The following DOCK9 variants were observed in gnomAD, a reference collection of about 807,000 sequenced individuals.
The protein encoded by DOCK9 is dedicator of cytokinesis 9, also known as dedicator of cytokinesis protein 9.
In DOCK9, 89 loss-of-function variants were observed where a neutral mutation model predicts 263.3. That is an observed-to-expected ratio of 0.34 (90% CI 0.28 to 0.40). DOCK9 has a LOEUF of 0.40. Ranked by LOEUF, DOCK9 falls within the 10% of genes least tolerant of loss-of-function variation. The probability of loss-of-function intolerance (pLI) is 1.00; values close to 1 mark genes in which losing one functional copy is unlikely to be tolerated. For missense variants in DOCK9, 2,140 were observed against 2,603.4 expected, an observed-to-expected ratio of 0.82 and a Z score of 3.87; for synonymous variants, 976 against 973.1, an observed-to-expected ratio of 1.00 and a Z score of -0.06.
intron 27 of DOCK9, among the ~76,000 whole-genome samples, chr13:98,870,530 G>A (rs1182207361): frequency 6.6e-6 from 1 of 152,172 alleles, no homozygotes; most frequent in Non-Finnish European, 1.5e-5. Flanking sequence ...CCCAAGAAAT[G>A]CTTGTGGCCT....
At chr13:98,933,750 G>A (rs766377451) in intron 2 of DOCK9, among the ~76,000 whole-genome samples, 2 of 152,210 alleles carry the variant, frequency 1.3e-5, no homozygotes, top group African/African-American at 2.4e-5. Flanking sequence ...CCTCGTCTAT[G>A]CATAGTGCTC....
At chr13:98,913,207 T>C (rs1223387505) in intron 9 of DOCK9, among the ~76,000 whole-genome samples, 3 of 152,224 alleles carry the variant, frequency 2.0e-5, no homozygotes, top group Non-Finnish European at 4.4e-5. Context: ...TTTATAATCC[T>C]ATATAGATAA....
intron 45 of DOCK9, among the ~76,000 whole-genome samples, chr13:98,814,462 G>C (rs1484089010): frequency 6.8e-6 from 1 of 147,826 alleles, no homozygotes; most frequent in Non-Finnish European, 1.5e-5. Flanking sequence ...CTGGAGTGCA[G>C]TGGCACAATC....
intron 15 of DOCK9, among the ~76,000 whole-genome samples, chr13:98,893,400 GATGAGATACCATCTTATCC>G (rs1398440703): frequency 6.6e-6 from 1 of 152,162 alleles, no homozygotes; most frequent in Non-Finnish European, 1.5e-5. Context: ...AGTTGGAAAA[GATGAGATACCATCTTATCC>G]ATGAGATACC....
intron 15 of DOCK9, among the ~76,000 whole-genome samples, chr13:98,889,532 T>C (rs978802643): frequency 4.6e-5 from 7 of 152,192 alleles, no homozygotes; most frequent in Non-Finnish European, 1.0e-4. Context: ...CTCAATCCAA[T>C]ATAGGAATCC....
chr13:98,959,075 G>C (rs1290024286), intron 1 of DOCK9, among the ~76,000 whole-genome samples: 2 of 152,202 alleles, frequency 1.3e-5, no homozygotes, highest in Non-Finnish European at 2.9e-5. Context: ...ACTGAGGCTG[G>C]AAACTGAGGA....
intron 9 of DOCK9, among the ~76,000 whole-genome samples, chr13:98,905,601 A>T (rs566014275): frequency 6.6e-6 from 1 of 152,250 alleles, no homozygotes. Flanking sequence ...AAAAAAAAAA[A>T]GTGAAAAGAA....
At chr13:98,867,763 C>T (rs1302378964) in intron 29 of DOCK9, among the ~76,000 whole-genome samples, 165 bp downstream of exon 29, 2 of 151,932 alleles carry the variant, frequency 1.3e-5, no homozygotes, top group Non-Finnish European at 2.9e-5. Flanking sequence ...TAGGGCTCCT[C>T]CTACTTCAAT....
At chr13:99,015,659 A>C in intron 1 of DOCK9, 1 of 1,526,448 alleles carries the variant, frequency 6.6e-7, no homozygotes, top group South Asian at 1.3e-5. Context: ...CCATTTCCAC[A>C]TCCTCTTCCT....
intron 1 of DOCK9, among the ~76,000 whole-genome samples, chr13:98,964,617 AAGCTTCATG>A (rs1396220436): frequency 9.2e-5 from 14 of 152,344 alleles, no homozygotes; most frequent in Non-Finnish European, 1.6e-4. Context: ...CCTGAAACTT[AAGCTTCATG>A]AGCTTCATGC....
intron 29 of DOCK9, 72 bp downstream of exon 29, chr13:98,867,856 A>G (rs2094076387): frequency 7.1e-7 from 1 of 1,402,692 alleles, no homozygotes; most frequent in Non-Finnish European, 9.7e-7. Flanking sequence ...AAAAAAAAAA[A>G]AGGAAAAAGA....
At chr13:98,908,877 A>G (rs540158227) in intron 9 of DOCK9, among the ~76,000 whole-genome samples, 1 of 152,386 alleles carries the variant, frequency 6.6e-6, no homozygotes, top group African/African-American at 2.4e-5. Context: ...AGATAATAAA[A>G]TAAATACTTG....
At chr13:98,866,648 C>T (rs1367013030) in intron 30 of DOCK9, among the ~76,000 whole-genome samples, 2 of 152,064 alleles carry the variant, frequency 1.3e-5, no homozygotes, top group East Asian at 1.9e-4. Context: ...TCTCTTCAAA[C>T]GTAAAAAGAA....
intron 39 of DOCK9, among the ~76,000 whole-genome samples, chr13:98,837,144 T>C (rs766792620): frequency 7.2e-5 from 11 of 152,334 alleles, no homozygotes; most frequent in Non-Finnish European, 1.0e-4. Flanking sequence ...TTAAACGCTA[T>C]AACATTTGGA....
intron 49 of DOCK9, among the ~76,000 whole-genome samples, chr13:98,802,144 G>A (rs2090185413): frequency 6.6e-6 from 1 of 152,152 alleles, no homozygotes; most frequent in African/African-American, 2.4e-5. Context: ...TGAGGAAGGA[G>A]GTCAACTCCA....
In DOCK9 at chr13:98,930,303, C is replaced by G. The variant is rs767022142; in HGVS notation, c.244-46G>C. 3.3e-6 allele frequency: 5 copies of G among 1,525,066 alleles called. No homozygotes were observed. In the South Asian group the frequency reaches 5.9e-5, roughly 18 times the overall value. The allele number at this position is 1,525,066 out of a possible 1,614,324, so 94.5% of individuals were successfully genotyped here. On this transcript the variant is annotated intron_variant, in intron 2 of 52. Coordinates refer to ENST00000682017, the MANE Select transcript of DOCK9 (RefSeq NM_001366683.2). Reference sequence around the variant, plus strand: ...AAAAGCCTTGGGTAAGTGAAGGAGGCAGGTGCCAGCCTCAGAGTGCAGCTG... The same window carrying G: ...AAAAGCCTTGGGTAAGTGAAGGAGGGAGGTGCCAGCCTCAGAGTGCAGCTG...
upstream of DOCK9, among the ~76,000 whole-genome samples, chr13:98,982,032 A>G (rs1212791441): frequency 6.6e-6 from 1 of 152,216 alleles, no homozygotes; most frequent in African/African-American, 2.4e-5. Context: ...CACAACAAAC[A>G]TATCTATGAA....
chr13:98,900,721 T>C (rs768931219), intron 13 of DOCK9, among the ~76,000 whole-genome samples: 10 of 152,204 alleles, frequency 6.6e-5, no homozygotes, highest in East Asian at 1.9e-4. Flanking sequence ...AAGGAACATA[T>C]GGAGGCCATG....
At chr13:99,079,728 G>C (rs1199109997) in intron 1 of DOCK9, among the ~76,000 whole-genome samples, 1 of 152,168 alleles carries the variant, frequency 6.6e-6, no homozygotes, top group Non-Finnish European at 1.5e-5. Context: ...GTTTCTTCCT[G>C]AAATTTCATA....
Sources: allele counts gnomAD v4.1 joint callset (sites outside exome capture counted in the v4.1 genomes callset), GRCh38; gene constraint gnomAD v4.1.1; transcripts MANE v1.5; gene names NCBI Gene and HGNC (gene_info 2026-07-23, HGNC 2026-07-21).